MEIS1: variants seen among roughly 807,000 people sequenced by gnomAD.
MEIS1 encodes the protein homeobox protein Meis1.
MEIS1 carries 5 observed loss-of-function variants against 50.8 expected under a neutral mutation model. The observed-to-expected ratio is 0.10, with a 90% CI of 0.05 to 0.21. MEIS1 has a LOEUF of 0.21. Ranked by LOEUF, MEIS1 falls within the 10% of genes least tolerant of loss-of-function variation. MEIS1 has a pLI of 1.00. For synonymous variants in MEIS1, 176 were observed against 179.3 expected (o/e 0.98, Z 0.15); for missense variants, 318 against 517.3 (o/e 0.61, Z 3.74).
intron 8 of MEIS1, among the ~76,000 whole-genome samples, chr2:66,535,211 G>A (rs944395692): frequency 4.6e-5 from 7 of 151,842 alleles, no homozygotes; most frequent in Non-Finnish European, 2.9e-5. Flanking sequence ...TGTATATCTT[G>A]CCATGTGTCC....
intron 9 of MEIS1, among the ~76,000 whole-genome samples, chr2:66,554,883 A>G (rs577483830): frequency 1.3e-5 from 2 of 152,354 alleles, no homozygotes; most frequent in African/African-American, 2.4e-5. Context: ...TAAAAACTAG[A>G]TGAAATTAAA....
rs1476740689 is a variant in MEIS1 at position 66,495,078 on chromosome 2, ACCTTTTTTTTTT to A, written c.743-17070_743-17059del. Among the ~76,000 whole-genome samples, 10 of 85,014 alleles carry A rather than the reference ACCTTTTTTTTTT, an allele frequency of 1.2e-4. No homozygotes were observed. The East Asian group carries it at 1.4e-3, about 12-fold the overall frequency. 55.8% of individuals were successfully genotyped at this position (85,014 alleles called of 152,430 possible). ...CAGAATGCCCACTTTCCCTCTTCTG[ACCTTTTTTTTTT>A]TTTTTTTTTTTTTTTTTTAAACTAA... is the stretch of plus-strand genomic sequence containing the variant. On this transcript the variant is annotated intron_variant, in intron 7 of 12. Transcript: ENST00000272369.
At chr2:66,525,926 G>A (rs576395270) in intron 8 of MEIS1, among the ~76,000 whole-genome samples, 1 of 152,246 alleles carries the variant, frequency 6.6e-6, no homozygotes. Flanking sequence ...GCCTTTGTCA[G>A]TAAGAAAGTA....
intron 8 of MEIS1, among the ~76,000 whole-genome samples, chr2:66,547,139 A>T (rs538095620): frequency 1.3e-5 from 2 of 152,322 alleles, no homozygotes; most frequent in East Asian, 3.9e-4. Context: ...TTCAAATTAG[A>T]TATATTTGAT....
rs960749192 is a variant in MEIS1 at position 66,508,179 on chromosome 2, T to A, written c.743-3970T>A. 4.6e-5 allele frequency among the ~76,000 whole-genome samples: 7 copies of A among 152,310 alleles called. 1 individual carries two copies. The highest frequency in any genetic ancestry group is 9.6e-5 in the African/African-American group (4 of 41,570). On this transcript the variant is annotated intron_variant, in intron 7 of 12. Transcript: ENST00000272369. The stretch of plus-strand genomic sequence containing the variant: ...GCTCGTTAGAAACCTGGTGTTTTTT[T>A]AAATAGTGTCTTGTTGCTGTGCAGA...
At chr2:66,441,759 C>A in intron 5 of MEIS1, 1 of 366,796 alleles carries the variant, frequency 2.7e-6, no homozygotes, top group Non-Finnish European at 4.8e-6. Flanking sequence ...TCGAATGCTG[C>A]TCTGAGGTTG....
chr2:66,439,583 A>C, intron 2 of MEIS1: 1 of 1,526,206 alleles, frequency 6.6e-7, no homozygotes, highest in South Asian at 1.2e-5. Flanking sequence ...AAATGTTGCC[A>C]ATTTCTCCGG....
rs1347359576 is a variant in MEIS1 at position 66,571,511 on chromosome 2, G to A, written c.*303G>A. On this transcript the variant is annotated 3_prime_UTR_variant, in exon 13 of 13. Coordinates refer to ENST00000272369, the MANE Select transcript of MEIS1 (RefSeq NM_002398.3). ...ACCCAACAATGAGTGGACAAGTCAT[G>A]GACATTCATGCTCAGTAGCTTAAGG... 3 of 1,572,158 alleles carry A rather than the reference G, an allele frequency of 1.9e-6. No individual in the cohort carries two copies. Among genetic ancestry groups the A allele is most frequent in the Admixed American group, 3.8e-5 (2 of 52,578 alleles).
At position 66,495,080 on chromosome 2, in the gene MEIS1, C is replaced by CTTTTTTTTTTTTTTTTT. The variant is rs70943701; in HGVS notation, c.743-17057_743-17041dup. Among the ~76,000 whole-genome samples, 5 of 91,492 alleles carry CTTTTTTTTTTTTTTTTT rather than the reference C, an allele frequency of 5.5e-5. 2 individuals carry two copies. Among genetic ancestry groups the CTTTTTTTTTTTTTTTTT allele is most frequent in the Non-Finnish European group, 2.1e-5 (1 of 48,552 alleles). The allele number at this position is 91,492 out of a possible 152,430, so 60.0% of individuals were successfully genotyped here. On this transcript the variant is annotated intron_variant, in intron 7 of 12. Transcript: ENST00000272369. ...GAATGCCCACTTTCCCTCTTCTGAC[C>CTTTTTTTTTTTTTTTTT]TTTTTTTTTTTTTTTTTTTTTTTTT...
At position 66,519,139 on chromosome 2, in the gene MEIS1, C is replaced by T. The variant is rs1290747408; in HGVS notation, c.888+6845C>T. Reference sequence around the variant, plus strand: ...CAAGGTTCTAATTTTTCTTCTTGTACTGATGTAGGTCCATGACAGAGGGCA... The same window carrying T: ...CAAGGTTCTAATTTTTCTTCTTGTATTGATGTAGGTCCATGACAGAGGGCA... On this transcript the variant is annotated intron_variant, in intron 8 of 12. Transcript: ENST00000272369. 2.6e-5 allele frequency among the ~76,000 whole-genome samples: 4 copies of T among 152,156 alleles called. No homozygotes were observed. In the East Asian group the frequency reaches 5.8e-4, roughly 22 times the overall value.
intron 6 of MEIS1, among the ~76,000 whole-genome samples, chr2:66,445,985 C>T (rs1458303887): frequency 6.6e-6 from 1 of 152,108 alleles, no homozygotes; most frequent in African/African-American, 2.4e-5. Flanking sequence ...TCCTGGGCGC[C>T]CTCTCCTGAC....
chr2:66,570,144 C>T (rs1228139805), intron 12 of MEIS1: 1 of 152,116 alleles, frequency 6.6e-6, no homozygotes, highest in Non-Finnish European at 1.5e-5. Flanking sequence ...AGGGGTAATT[C>T]GTACTGGTCA....
At chr2:66,509,447 AGCTGTATTT>A (rs1298409305) in intron 7 of MEIS1, among the ~76,000 whole-genome samples, 1 of 152,226 alleles carries the variant, frequency 6.6e-6, no homozygotes, top group African/African-American at 2.4e-5. Context: ...GGAGTAAAGT[AGCTGTATTT>A]GCCTAAAAAC....
intron 2 of MEIS1, among the ~76,000 whole-genome samples, chr2:66,438,292 A>C (rs1671851936): frequency 6.6e-6 from 1 of 152,194 alleles, no homozygotes; most frequent in African/African-American, 2.4e-5. Context: ...ATTTCGCCCG[A>C]GAGCGTTAGG....
At chr2:66,560,115 T>G (rs1023726209) in intron 9 of MEIS1, among the ~76,000 whole-genome samples, 1 of 151,600 alleles carries the variant, frequency 6.6e-6, no homozygotes, top group Non-Finnish European at 1.5e-5. Flanking sequence ...TTTTTTTTTT[T>G]TTTTTTTTAG....
At chr2:66,473,104 C>T (rs1047366388) in intron 7 of MEIS1, among the ~76,000 whole-genome samples, 12 of 151,876 alleles carry the variant, frequency 7.9e-5, no homozygotes, top group Non-Finnish European at 1.5e-4. Flanking sequence ...TAAGGCCGGG[C>T]GCGGTGGCTC....
chr2:66,534,664 T>C (rs1375686743), intron 8 of MEIS1, among the ~76,000 whole-genome samples: 1 of 152,208 alleles, frequency 6.6e-6, no homozygotes, highest in Non-Finnish European at 1.5e-5. Context: ...ACTCTCCACA[T>C]AGGCCTAAGT....
intron 7 of MEIS1, among the ~76,000 whole-genome samples, chr2:66,475,042 T>C (rs1426794822): frequency 1.3e-5 from 2 of 151,628 alleles, no homozygotes; most frequent in African/African-American, 4.8e-5. Context: ...CTACTACTTA[T>C]GACAGCCAGG....
At chr2:66,451,703 C>T (rs1218753593) in intron 6 of MEIS1, among the ~76,000 whole-genome samples, 3 of 151,952 alleles carry the variant, frequency 2.0e-5, no homozygotes, top group Admixed American at 2.0e-4. Context: ...TTTCAAACTA[C>T]ATGATGTATA....
Sources: gnomAD v4.1 joint callset for allele counts (sites outside exome capture counted in the v4.1 genomes callset) on GRCh38, gnomAD v4.1.1 for gene constraint, MANE v1.5 for transcripts, NCBI Gene and HGNC (gene_info 2026-07-23, HGNC 2026-07-21) for gene names.